Variants in HEATR5B observed in about 807,000 individuals in gnomAD.
HEATR5B encodes HEAT repeat containing 5B.
A neutral mutation model predicts 224.1 loss-of-function variants in HEATR5B; 156 were observed. The ratio of observed to expected loss-of-function variants is 0.70; its 90% CI spans 0.61 to 0.80. The LOEUF (loss-of-function observed/expected upper bound fraction) is 0.80. HEATR5B is among the 30% of genes least tolerant of loss of function. HEATR5B has a pLI of 0.00. For missense variants in HEATR5B, 2,323 were observed against 2,535.5 expected (o/e 0.92, Z 1.80); for synonymous variants, 1,027 against 893.0 (o/e 1.15, Z -2.68).
At chr2:37,077,450 A>T (rs1444268528) in intron 3 of HEATR5B, among the ~76,000 whole-genome samples, 2 of 152,172 alleles carry the variant, frequency 1.3e-5, no homozygotes, top group African/African-American at 4.8e-5. Context: ...CTGGGATTAC[A>T]GGTGCATGCC....
intron 22 of HEATR5B, among the ~76,000 whole-genome samples, chr2:37,031,846 T>TAA (rs1270487044): frequency 6.6e-6 from 1 of 152,062 alleles, no homozygotes; most frequent in Non-Finnish European, 1.5e-5. Context: ...ATTAAACTCT[T>TAA]AAAAAGTTTC....
chr2:37,032,619 T>C lies in HEATR5B; in HGVS notation c.3361+10A>G. ...AACAAAAAACAATATTGACCAATAA[T>C]ATAACTTACTGGCACTACTGCTCTC... is the stretch of plus-strand genomic sequence containing the variant. On this transcript the variant is annotated intron_variant, in intron 22 of 35. Transcript: ENST00000233099. The C allele has an allele frequency of 6.2e-7, 1 of 1,603,808 alleles. No individual in the cohort carries two copies. Among genetic ancestry groups the C allele is most frequent in the Non-Finnish European group, 8.5e-7 (1 of 1,175,928 alleles).
chr2:37,043,699 C>G (rs1184291249), intron 18 of HEATR5B, among the ~76,000 whole-genome samples: 1 of 152,168 alleles, frequency 6.6e-6, no homozygotes, highest in Non-Finnish European at 1.5e-5. Context: ...TCCCAGGATT[C>G]TCAGTTTAGG....
chr2:37,014,415 G>C (rs1429287740), intron 26 of HEATR5B, among the ~76,000 whole-genome samples: 1 of 151,434 alleles, frequency 6.6e-6, no homozygotes, highest in Non-Finnish European at 1.5e-5. Context: ...GCCTGCCTCA[G>C]CCTCCCAAAG....
At chr2:37,066,561 C>T (rs1181271188) in intron 8 of HEATR5B, among the ~76,000 whole-genome samples, 1 of 152,080 alleles carries the variant, frequency 6.6e-6, no homozygotes, top group African/African-American at 2.4e-5. Flanking sequence ...ATTAATTAAC[C>T]TTGCTGCCTG....
At position 36,990,875 on chromosome 2, in the gene HEATR5B, A is replaced by T. The variant is rs1666281935; in HGVS notation, c.5546-76T>A. ...TTTATTTTTTTATTTTTGTAGAGAG[A>T]GACGTTGTCTTGCCATGTTGTCCAG... On this transcript the variant is annotated intron_variant, in intron 33 of 35. Coordinates refer to ENST00000233099, the MANE Select transcript of HEATR5B (RefSeq NM_019024.3). 27 of 1,268,840 alleles carry T rather than the reference A, an allele frequency of 2.1e-5. No homozygotes were observed. In the East Asian group the frequency reaches 6.7e-4, roughly 32 times the overall value. The allele number at this position is 1,268,840 out of a possible 1,614,324, so 78.6% of individuals were successfully genotyped here.
In HEATR5B at chr2:37,049,861, A is replaced by AAC; in HGVS notation, c.2506-19_2506-18insGT. The AAC allele has an allele frequency of 6.7e-7, 1 of 1,484,980 alleles. No individual in the cohort carries two copies. Among genetic ancestry groups the AAC allele is most frequent in the East Asian group, 2.7e-5 (1 of 37,584 alleles). The allele number at this position is 1,484,980 out of a possible 1,614,324, so 92.0% of individuals were successfully genotyped here. A position where few individuals can be genotyped will look rare whatever the true frequency, so the allele number is the denominator to read the frequency against. ...GCTAAGCCCTACATTAAAAAAAAAA[A>AAC]AAAAAAAAAGACAGCAATTCATAAT... is the stretch of plus-strand genomic sequence containing the variant. On this transcript the variant is annotated intron_variant, in intron 17 of 35. Coordinates refer to ENST00000233099, the MANE Select transcript of HEATR5B (RefSeq NM_019024.3).
chr2:37,037,743 T>A (rs1669589197), intron 21 of HEATR5B, 112 bp downstream of exon 21: 3 of 596,944 alleles, frequency 5.0e-6, no homozygotes, highest in Admixed American at 4.1e-5. Flanking sequence ...TGCATCAAAA[T>A]ACCCCAAGTA....
At chr2:37,022,033 T>C (rs1668495243) in intron 24 of HEATR5B, among the ~76,000 whole-genome samples, 1 of 152,028 alleles carries the variant, frequency 6.6e-6, no homozygotes, top group South Asian at 2.1e-4. Flanking sequence ...CAAAACCCCC[T>C]TTGGAAAAAA....
chr2:37,050,925 C>T (rs780109727), intron 17 of HEATR5B, among the ~76,000 whole-genome samples: 4 of 151,784 alleles, frequency 2.6e-5, no homozygotes, highest in South Asian at 2.1e-4. Context: ...CCTGTAATCC[C>T]AGCTACTCAG....
Position 37,028,678 on chromosome 2 carries a change from T to C in HEATR5B, c.3601+3A>G. ...ATTTTAAGAACGCACATTAAATACT[T>C]ACCACTAGAAGCTGCCAGGACATCT... On this transcript the variant is annotated splice_donor_region_variant and intron_variant, in intron 23 of 35. Transcript: ENST00000233099. 6.2e-7 allele frequency: 1 copy of C among 1,613,540 alleles called. No individual in the cohort carries two copies. The highest frequency in any genetic ancestry group is 8.5e-7 in the Non-Finnish European group (1 of 1,179,644).
chr2:37,072,419 C>T, intron 5 of HEATR5B, 138 bp from the exon 6 acceptor site: 1 of 579,400 alleles, frequency 1.7e-6, no homozygotes, highest in Non-Finnish European at 3.0e-6. Flanking sequence ...GTTTTCAAGA[C>T]ACTGGACATC....
At chr2:36,991,124 G>T (rs1041318781) in intron 33 of HEATR5B, among the ~76,000 whole-genome samples, 2 of 152,196 alleles carry the variant, frequency 1.3e-5, no homozygotes, top group African/African-American at 4.8e-5. Context: ...TATATTTAAT[G>T]CTAAATTATT....
chr2:37,061,112 A>G (rs537461523), intron 11 of HEATR5B, among the ~76,000 whole-genome samples: 14 of 152,194 alleles, frequency 9.2e-5, no homozygotes, highest in Non-Finnish European at 1.6e-4. Context: ...TTTCATATAC[A>G]TATGTATATA....
intron 31 of HEATR5B, 114 bp downstream of exon 31, chr2:37,003,428 C>T: frequency 1.4e-6 from 1 of 734,882 alleles, no homozygotes; most frequent in Admixed American, 3.0e-5. Context: ...CGAATGAGAC[C>T]CTGCCTCTAA....
At chr2:37,059,404 A>G (rs1031871589) in intron 12 of HEATR5B, among the ~76,000 whole-genome samples, 85 of 106,962 alleles carry the variant, frequency 7.9e-4, no homozygotes, top group African/African-American at 2.7e-3. Flanking sequence ...ATATATATGT[A>G]TATGTGTGTG....
intron 18 of HEATR5B, among the ~76,000 whole-genome samples, chr2:37,041,919 T>G (rs1175957592): frequency 1.3e-5 from 2 of 151,854 alleles, no homozygotes; most frequent in African/African-American, 4.8e-5. Flanking sequence ...CAAAATAACT[T>G]ATGTTTGGTT....
chr2:37,024,641 A>T (rs1272096349), intron 24 of HEATR5B, among the ~76,000 whole-genome samples: 1 of 152,246 alleles, frequency 6.6e-6, no homozygotes, highest in Non-Finnish European at 1.5e-5. Context: ...TACTGCCAAA[A>T]TTTGGGAGAA....
chr2:37,063,913 G>C (rs1305932932), intron 10 of HEATR5B, among the ~76,000 whole-genome samples: 2 of 152,184 alleles, frequency 1.3e-5, no homozygotes, highest in African/African-American at 2.4e-5. Flanking sequence ...CTGGGTTCAA[G>C]TGATTCTCCT....
Sources: allele counts gnomAD v4.1 joint callset (sites outside exome capture counted in the v4.1 genomes callset), GRCh38; gene constraint gnomAD v4.1.1; transcripts MANE v1.5; gene names NCBI Gene and HGNC (gene_info 2026-07-23, HGNC 2026-07-21).